The following LHFPL3 variants were observed in gnomAD, a reference collection of about 807,000 sequenced individuals.
LHFPL3 encodes LHFPL tetraspan subfamily member 3 protein.
Under a neutral mutation model 19.3 loss-of-function variants are expected in LHFPL3, and 5 were observed. The observed-to-expected ratio is 0.26, with a 90% CI of 0.14 to 0.54. LHFPL3 has a LOEUF of 0.54. LHFPL3 is among the 20% of genes least tolerant of loss of function. The probability of loss-of-function intolerance (pLI) is 0.94; values close to 1 mark genes in which losing one functional copy is unlikely to be tolerated. For synonymous variants in LHFPL3, 133 were observed against 126.2 expected (o/e 1.05, Z -0.36); for missense variants, 249 against 307.4 (o/e 0.81, Z 1.42).
intron 1 of LHFPL3, among the ~76,000 whole-genome samples, chr7:104,527,958 A>G (rs889371950): frequency 1.3e-5 from 2 of 152,236 alleles, no homozygotes; most frequent in Admixed American, 1.3e-4. Flanking sequence ...TATGTAAGTT[A>G]CAAATCAAAG....
At chr7:104,829,191 T>C (rs1319214688) in intron 2 of LHFPL3, among the ~76,000 whole-genome samples, 2 of 151,742 alleles carry the variant, frequency 1.3e-5, no homozygotes, top group Admixed American at 1.3e-4. Context: ...GGAGCCACTC[T>C]CCCTGACCAA....
intron 1 of LHFPL3, among the ~76,000 whole-genome samples, chr7:104,383,723 A>G (rs1484934995): frequency 6.6e-6 from 1 of 152,212 alleles, no homozygotes; most frequent in Non-Finnish European, 1.5e-5. Flanking sequence ...GATTGTAGGA[A>G]TTGCTTATCC....
Position 104,800,653 on chromosome 7 carries a change from C to T in LHFPL3, c.682+63742C>T, listed in dbSNP as rs192930940. Among the ~76,000 whole-genome samples, 298 of 152,286 alleles carry T rather than the reference C, an allele frequency of 2.0e-3. 1 individual carries two copies. The highest frequency in any genetic ancestry group is 2.1e-3 in the Admixed American group (32 of 15,294). On this transcript the variant is annotated intron_variant, in intron 2 of 2. Transcript: ENST00000424859. Reference sequence around the variant, plus strand: ...CTGTCCCTTTAGATCCCCACCCAAACGTTTGCCACCTCCTACCATCATCTA... The same window carrying T: ...CTGTCCCTTTAGATCCCCACCCAAATGTTTGCCACCTCCTACCATCATCTA...
intron 2 of LHFPL3, among the ~76,000 whole-genome samples, chr7:104,823,296 C>T (rs1473704262): frequency 6.6e-6 from 1 of 152,188 alleles, no homozygotes; most frequent in South Asian, 2.1e-4. Flanking sequence ...TAGGCCCAGT[C>T]CTGCTGTAAA....
chr7:104,363,444 C>A (rs1790427948), intron 1 of LHFPL3, among the ~76,000 whole-genome samples: 2 of 152,224 alleles, frequency 1.3e-5, no homozygotes, highest in African/African-American at 4.8e-5. Flanking sequence ...TTCCTCAAAT[C>A]TCAGTAGTTG....
chr7:104,502,313 T>C (rs1313346374), intron 1 of LHFPL3, among the ~76,000 whole-genome samples: 1 of 152,210 alleles, frequency 6.6e-6, no homozygotes, highest in Non-Finnish European at 1.5e-5. Flanking sequence ...TAAATTCCTC[T>C]TTTACTGGAA....
In LHFPL3 at chr7:104,667,975, C is replaced by T. The variant is rs1792390149; in HGVS notation, c.446-68700C>T. On this transcript the variant is annotated intron_variant, in intron 1 of 2. Transcript: ENST00000424859. ...ATTGACCGTTCCATCCTTCCCACTG[C>T]TCCACGGGCTGCTCGGGAACCCAAT... is the stretch of plus-strand genomic sequence containing the variant. The T allele has an allele frequency of 2.5e-6, 4 of 1,613,350 alleles. No homozygotes were observed. The South Asian group carries it at 4.4e-5, about 18-fold the overall frequency.
At chr7:104,393,745 C>A (rs536635491) in intron 1 of LHFPL3, among the ~76,000 whole-genome samples, 6 of 151,978 alleles carry the variant, frequency 3.9e-5, no homozygotes, top group Non-Finnish European at 8.8e-5. Flanking sequence ...TATATTCATA[C>A]AAAGAATATA....
intron 1 of LHFPL3, among the ~76,000 whole-genome samples, chr7:104,475,734 T>C (rs1386391511): frequency 6.6e-6 from 1 of 152,224 alleles, no homozygotes; most frequent in African/African-American, 2.4e-5. Context: ...ACCATTTAAC[T>C]TTGTTTAGAG....
At chr7:104,684,935 A>C (rs1011632575) in intron 1 of LHFPL3, among the ~76,000 whole-genome samples, 2 of 152,188 alleles carry the variant, frequency 1.3e-5, no homozygotes, top group Non-Finnish European at 2.9e-5. Context: ...GGAAAAAGAA[A>C]ATCATTCTCA....
intron 1 of LHFPL3, among the ~76,000 whole-genome samples, chr7:104,528,868 A>G (rs1477078698): frequency 1.3e-5 from 2 of 152,176 alleles, no homozygotes; most frequent in East Asian, 3.9e-4. Context: ...TTTTTGGTGT[A>G]AGGGATAGGA....
intron 1 of LHFPL3, among the ~76,000 whole-genome samples, chr7:104,580,506 A>T (rs1009097400): frequency 6.6e-6 from 1 of 152,148 alleles, no homozygotes; most frequent in Admixed American, 6.6e-5. Context: ...AGTTGCAGTC[A>T]TCAGTGGCCT....
At chr7:104,599,827 C>G (rs1333461391) in intron 1 of LHFPL3, among the ~76,000 whole-genome samples, 1 of 152,202 alleles carries the variant, frequency 6.6e-6, no homozygotes, top group East Asian at 1.9e-4. Context: ...CAAAGTGCCT[C>G]TGCTAGCCAA....
intron 1 of LHFPL3, among the ~76,000 whole-genome samples, chr7:104,711,593 A>ATGGGGT (rs1793300663): frequency 6.6e-6 from 1 of 152,222 alleles, no homozygotes; most frequent in East Asian, 1.9e-4. Context: ...TTCTCTTGGA[A>ATGGGGT]CATAAATCAA....
chr7:104,673,630 A>T (rs1236731927), intron 1 of LHFPL3, among the ~76,000 whole-genome samples: 2 of 152,234 alleles, frequency 1.3e-5, no homozygotes, highest in African/African-American at 4.8e-5. Context: ...GCAAATAGGC[A>T]TGCAAGTATG....
intron 2 of LHFPL3, among the ~76,000 whole-genome samples, chr7:104,778,014 C>T (rs1456215834): frequency 6.6e-6 from 1 of 152,170 alleles, no homozygotes; most frequent in Non-Finnish European, 1.5e-5. Flanking sequence ...ACAGTGCTCA[C>T]CTAAGCTCCT....
At chr7:104,380,373 C>A (rs1790804026) in intron 1 of LHFPL3, among the ~76,000 whole-genome samples, 1 of 152,080 alleles carries the variant, frequency 6.6e-6, no homozygotes, top group African/African-American at 2.4e-5. Context: ...TAACCCAGCA[C>A]ATGGTAACTG....
intron 2 of LHFPL3, among the ~76,000 whole-genome samples, chr7:104,779,853 G>A (rs530590434): frequency 5.3e-5 from 8 of 152,280 alleles, no homozygotes; most frequent in East Asian, 1.9e-4. Flanking sequence ...CTCCGTCGCC[G>A]GAGCAGTTTC....
intron 2 of LHFPL3, among the ~76,000 whole-genome samples, chr7:104,753,561 A>G (rs1418350463): frequency 6.6e-6 from 1 of 152,218 alleles, no homozygotes; most frequent in African/African-American, 2.4e-5. Context: ...GCAAAAATAT[A>G]TATTAATTGA....
Sources: gnomAD v4.1 joint callset for allele counts (sites outside exome capture counted in the v4.1 genomes callset) on GRCh38, gnomAD v4.1.1 for gene constraint, MANE v1.5 for transcripts, NCBI Gene and HGNC (gene_info 2026-07-23, HGNC 2026-07-21) for gene names.